The following UVRAG variants were observed in gnomAD, a reference collection of about 807,000 sequenced individuals.
UVRAG encodes UV radiation resistance associated.
A neutral mutation model predicts 78.0 loss-of-function variants in UVRAG; 19 were observed. That is an observed-to-expected ratio of 0.24 (90% confidence interval 0.17 to 0.36). UVRAG has a LOEUF of 0.36. Ranked by LOEUF, UVRAG falls within the 10% of genes least tolerant of loss-of-function variation. The pLI is 1.00. For synonymous variants in UVRAG, 323 were observed against 324.6 expected, an observed-to-expected ratio of 1.00 and a Z score of 0.05; for missense variants, 740 against 853.8, an observed-to-expected ratio of 0.87 and a Z score of 1.66.
In UVRAG at chr11:76,141,435, A is replaced by C; in HGVS notation, c.*22A>C. The C allele has an allele frequency of 1.9e-6, 3 of 1,601,144 alleles. No individual in the cohort carries two copies. Among genetic ancestry groups the C allele is most frequent in the Non-Finnish European group, 2.6e-6 (3 of 1,173,714 alleles). Reference sequence around the variant, plus strand: ...GTGAAGTGAGCAGGTCAACAGTAGGACTGGGGCAGAAGCTCTGCCTAAAAT... The same window carrying C: ...GTGAAGTGAGCAGGTCAACAGTAGGCCTGGGGCAGAAGCTCTGCCTAAAAT... On this transcript the variant is annotated 3_prime_UTR_variant, in exon 15 of 15. Coordinates refer to ENST00000356136, the MANE Select transcript of UVRAG (RefSeq NM_003369.4).
intron 8 of UVRAG, among the ~76,000 whole-genome samples, chr11:75,993,437 T>A (rs1949649908): frequency 6.6e-6 from 1 of 152,132 alleles, no homozygotes; most frequent in South Asian, 2.1e-4. Context: ...TGTTTATTAG[T>A]GTATATATTT....
rs1377639246 is a variant in UVRAG, at chr11:75,854,988, T to C, written c.235+2988T>C. ...GTTCTTGCCCCAGTGTTACCTCTGA[T>C]AATAGTAATTAACACCAGTACTTAG... On this transcript the variant is annotated intron_variant, in intron 2 of 14. Coordinates refer to ENST00000356136, the MANE Select transcript of UVRAG (RefSeq NM_003369.4). Among the ~76,000 whole-genome samples, 3 of 152,216 alleles carry C rather than the reference T, an allele frequency of 2.0e-5. No individual in the cohort carries two copies. In the East Asian group the frequency reaches 5.8e-4, roughly 29 times the overall value.
At chr11:75,862,540 G>C (rs1375134086) in intron 3 of UVRAG, among the ~76,000 whole-genome samples, 2 of 151,770 alleles carry the variant, frequency 1.3e-5, no homozygotes, top group Admixed American at 6.6e-5. Flanking sequence ...TTGTGTTCCA[G>C]GTGTACCTCT....
chr11:76,065,795 CT>C lies in UVRAG; in HGVS notation c.1305+8del. 6.2e-7 allele frequency: 1 copy of C among 1,612,458 alleles called. No individual in the cohort carries two copies. The highest frequency in any genetic ancestry group is 2.2e-5 in the East Asian group (1 of 44,852). On this transcript the variant is annotated splice_region_variant and intron_variant, in intron 13 of 14. Transcript: ENST00000356136. ...GAACAAAAATATAGCACAGGTAAGTCTCTGTTCTTCACTTCTCTCCTACTTC... is the reference window on the plus strand; with the variant it reads ...GAACAAAAATATAGCACAGGTAAGTCCTGTTCTTCACTTCTCTCCTACTTC...
intron 7 of UVRAG, among the ~76,000 whole-genome samples, chr11:75,974,849 T>A (rs1459423990): frequency 2.6e-5 from 4 of 152,222 alleles, no homozygotes; most frequent in African/African-American, 9.6e-5. Flanking sequence ...CTGATGGTAG[T>A]TTCTTTTGCT....
Position 76,141,331 on chromosome 11 carries a change from T to C in UVRAG, c.2018T>C (p.Phe673Ser). ...TGTGACGAACAAGTTCTGGGAGAATTTGAAGAGTTCTCCCGAAGGATCTAT... is the reference window on the plus strand; with the variant it reads ...TGTGACGAACAAGTTCTGGGAGAATCTGAAGAGTTCTCCCGAAGGATCTAT... Reference protein sequence around the residue: ...VECDEQVLGEFEEFSRRIYAL... With the variant: ...VECDEQVLGESEEFSRRIYAL... The change falls in exon 15 of 15, where the codon TTT becomes TCT. Residue 673 changes from phenylalanine (F) to serine (S), a missense_variant. Physicochemically the swap from Phe to Ser is radical, Grantham distance 155. Transcript: ENST00000356136. 2 of 1,614,180 alleles carry C rather than the reference T, an allele frequency of 1.2e-6. No homozygotes were observed. Among genetic ancestry groups the C allele is most frequent in the South Asian group, 1.1e-5 (1 of 91,074 alleles).
chr11:76,015,156 A>G lies in UVRAG; in HGVS notation c.1061-1659A>G, dbSNP rs141654577. ...CTTACTAGAAAACTGTGAAGAAACT[A>G]AGGTGGTACACGTGTGTCATATGCT... On this transcript the variant is annotated intron_variant, in intron 11 of 14. Transcript: ENST00000356136. 8.5e-5 allele frequency among the ~76,000 whole-genome samples: 13 copies of G among 152,228 alleles called. No homozygotes were observed. The East Asian group carries it at 2.1e-3, about 25-fold the overall frequency.
At chr11:75,921,373 A>G (rs56709863) in intron 6 of UVRAG, among the ~76,000 whole-genome samples, 4,838 of 152,284 alleles carry the variant, frequency 0.032, 263 homozygotes, top group African/African-American at 0.11. Flanking sequence ...TATTTAGGGT[A>G]TTCTTCTGTG....
At chr11:76,067,520 GC>G (rs1370868227) in intron 13 of UVRAG, among the ~76,000 whole-genome samples, 1 of 152,154 alleles carries the variant, frequency 6.6e-6, no homozygotes, top group African/African-American at 2.4e-5. Flanking sequence ...ACTTTGGGAG[GC>G]CGAGATGGGT....
intron 13 of UVRAG, among the ~76,000 whole-genome samples, chr11:76,095,870 C>CAA (rs747792893): frequency 0.02 from 900 of 44,556 alleles, 25 homozygotes; most frequent in African/African-American, 0.052. Context: ...GACTCTGTCT[C>CAA]AAAAAAAAAA....
At chr11:75,949,092 TATCTGGGG>T (rs1488003233) in intron 6 of UVRAG, among the ~76,000 whole-genome samples, 1 of 152,172 alleles carries the variant, frequency 6.6e-6, no homozygotes, top group Admixed American at 6.5e-5. Context: ...GGTGGCAGTC[TATCTGGGG>T]TGAGGTGAAC....
chr11:75,928,469 A>T (rs898777899), intron 6 of UVRAG, among the ~76,000 whole-genome samples: 2 of 152,162 alleles, frequency 1.3e-5, no homozygotes, highest in African/African-American at 4.8e-5. Context: ...GATTAATTGA[A>T]TCAAATATTG....
At chr11:76,026,422 C>G (rs1950327867) in intron 12 of UVRAG, among the ~76,000 whole-genome samples, 1 of 152,072 alleles carries the variant, frequency 6.6e-6, no homozygotes, top group African/African-American at 2.4e-5. Flanking sequence ...GCAGAGAGTT[C>G]AGAAATGATT....
chr11:76,097,309 C>T (rs948042336), intron 13 of UVRAG, among the ~76,000 whole-genome samples: 1 of 152,136 alleles, frequency 6.6e-6, no homozygotes, highest in Non-Finnish European at 1.5e-5. Flanking sequence ...TACTCTCTCT[C>T]CTCCCTGTCT....
chr11:76,057,030 A>G (rs769964969), intron 12 of UVRAG, among the ~76,000 whole-genome samples: 1 of 152,238 alleles, frequency 6.6e-6, no homozygotes, highest in Non-Finnish European at 1.5e-5. Flanking sequence ...TGGCATGTTC[A>G]GGGAACAGAA....
chr11:75,950,063 T>G (rs79630850), intron 6 of UVRAG, among the ~76,000 whole-genome samples: 2,701 of 152,318 alleles, frequency 0.018, 74 homozygotes, highest in African/African-American at 0.061. Flanking sequence ...AATTTATCCA[T>G]GTTCTTGTAT....
intron 1 of UVRAG, among the ~76,000 whole-genome samples, chr11:75,838,677 T>C (rs1945840572): frequency 6.6e-6 from 1 of 152,178 alleles, no homozygotes; most frequent in South Asian, 2.1e-4. Flanking sequence ...TGATAGATGT[T>C]GTCAGATTGC....
At chr11:75,939,862 C>T (rs1388308195) in intron 6 of UVRAG, among the ~76,000 whole-genome samples, 1 of 152,068 alleles carries the variant, frequency 6.6e-6, no homozygotes, top group Non-Finnish European at 1.5e-5. Flanking sequence ...GATTTATGTC[C>T]AGTTAAAACT....
At position 75,880,049 on chromosome 11, in the gene UVRAG, T is replaced by C. The variant is rs778036860; in HGVS notation, c.432+9T>C. 6.2e-7 allele frequency: 1 copy of C among 1,613,668 alleles called. No homozygotes were observed. The highest frequency in any genetic ancestry group is 1.1e-5 in the South Asian group (1 of 91,048). On this transcript the variant is annotated intron_variant, in intron 4 of 14. Transcript: ENST00000356136. The stretch of plus-strand genomic sequence containing the variant: ...AATACTTGGGTCAGCAGGTAATTTT[T>C]AGACTGTAGTTTCAAGTAGTTGTCA...
Sources: allele counts gnomAD v4.1 joint callset (sites outside exome capture counted in the v4.1 genomes callset), GRCh38; gene constraint gnomAD v4.1.1; transcripts MANE v1.5; gene names NCBI Gene and HGNC (gene_info 2026-07-23, HGNC 2026-07-21).